SNX29: variants seen among roughly 807,000 people sequenced by gnomAD.
The protein encoded by SNX29 is sorting nexin-29.
SNX29 carries 78 observed loss-of-function variants against 102.1 expected under a neutral mutation model. The observed-to-expected ratio is 0.76, with a 90% CI of 0.64 to 0.92. The LOEUF is 0.92. Ranked by LOEUF, SNX29 falls within the 40% of genes least tolerant of loss-of-function variation. The probability of loss-of-function intolerance (pLI) is 0.00; values close to 1 mark genes in which losing one functional copy is unlikely to be tolerated. For synonymous variants in SNX29, 580 were observed against 414.5 expected (o/e 1.40, Z -4.85); for missense variants, 1,280 against 1,061.7 (o/e 1.21, Z -2.86).
At chr16:12,020,339 A>C (rs779146996) in intron 3 of SNX29, among the ~76,000 whole-genome samples, 18 of 151,930 alleles carry the variant, frequency 1.2e-4, no homozygotes, top group Non-Finnish European at 7.4e-5. Flanking sequence ...TGTGCCTGTA[A>C]TCTTAACGCT....
At chr16:12,360,821 C>A (rs1430606557) in intron 16 of SNX29, among the ~76,000 whole-genome samples, 1 of 152,146 alleles carries the variant, frequency 6.6e-6, no homozygotes, top group Non-Finnish European at 1.5e-5. Flanking sequence ...ATACTAAGAA[C>A]CCTTTCAGGG....
intron 20 of SNX29, chr16:12,561,183 C>G (rs979056163): frequency 8.7e-6 from 2 of 230,412 alleles, no homozygotes; most frequent in Non-Finnish European, 1.7e-5. Context: ...GCCTGGCATG[C>G]TCTGATACTG....
chr16:12,280,441 AGT>A (rs1048850637), intron 15 of SNX29, among the ~76,000 whole-genome samples: 1 of 152,188 alleles, frequency 6.6e-6, no homozygotes, highest in African/African-American at 2.4e-5. Flanking sequence ...TGAGAGGGTG[AGT>A]GTGGAACCAC....
chr16:12,375,241 G>C (rs186607125), intron 16 of SNX29: 13 of 152,258 alleles, frequency 8.5e-5, no homozygotes, highest in Admixed American at 7.2e-4. Flanking sequence ...GGAATGATTT[G>C]ACATTATGCC....
chr16:12,258,549 G>C (rs2078641849), intron 14 of SNX29, among the ~76,000 whole-genome samples: 1 of 152,090 alleles, frequency 6.6e-6, no homozygotes, highest in African/African-American at 2.4e-5. Flanking sequence ...CTGCTCATTT[G>C]CTGCAAGCCA....
At chr16:12,452,708 C>A (rs1184863756) in intron 18 of SNX29, among the ~76,000 whole-genome samples, 1 of 152,010 alleles carries the variant, frequency 6.6e-6, no homozygotes, top group African/African-American at 2.4e-5. Flanking sequence ...ACTGCCAGAC[C>A]CCTCCAAATG....
chr16:12,055,593 A>G lies in SNX29; in HGVS notation c.1124+3371A>G, dbSNP rs138414302. ...TGTGGGGCTGGGAAGTCCAAAATCC[A>G]CAGGTTAGGTGTGTGGACTGGAGAC... On this transcript the variant is annotated intron_variant, in intron 8 of 20. Transcript: ENST00000566228. Among the ~76,000 whole-genome samples the G allele has an allele frequency of 6.0e-3, 908 of 152,242 alleles. 7 individuals are homozygous for G. The highest frequency in any genetic ancestry group is 0.021 in the African/African-American group (859 of 41,548).
intron 1 of SNX29, among the ~76,000 whole-genome samples, chr16:11,987,705 C>T (rs769748611): frequency 1.2e-4 from 18 of 152,098 alleles, no homozygotes; most frequent in Non-Finnish European, 1.8e-4. Context: ...CTGACTCTTA[C>T]TCTTAATTCC....
intron 18 of SNX29, among the ~76,000 whole-genome samples, chr16:12,461,978 A>AAAAAATAT (rs1555544501): frequency 2.2e-4 from 6 of 27,350 alleles, no homozygotes; most frequent in African/African-American, 6.9e-4. Context: ...AAAAAAAAAA[A>AAAAAATAT]ATATATATAT....
intron 19 of SNX29, 85 bp from the exon 20 acceptor site, chr16:12,524,617 T>A: frequency 6.7e-7 from 1 of 1,489,516 alleles, no homozygotes; most frequent in Non-Finnish European, 9.0e-7. Context: ...TGGATGGCGC[T>A]GATGGGTGAT....
At chr16:12,231,653 C>G (rs1171510623) in intron 14 of SNX29, among the ~76,000 whole-genome samples, 1 of 152,166 alleles carries the variant, frequency 6.6e-6, no homozygotes, top group Non-Finnish European at 1.5e-5. Context: ...AGGATGTGGT[C>G]TCATAGGCAG....
intron 14 of SNX29, among the ~76,000 whole-genome samples, chr16:12,211,423 T>C (rs1190484005): frequency 6.6e-6 from 1 of 152,184 alleles, no homozygotes; most frequent in Non-Finnish European, 1.5e-5. Flanking sequence ...CTGCAGCTTT[T>C]TTCCTTCTAA....
chr16:12,046,560 C>G, intron 6 of SNX29, 106 bp downstream of exon 6: 5 of 1,017,392 alleles, frequency 4.9e-6, no homozygotes, highest in Non-Finnish European at 4.6e-6. Context: ...TTCTGTCCCT[C>G]AACAACTCAA....
At chr16:12,013,657 A>G (rs1217107487) in intron 3 of SNX29, among the ~76,000 whole-genome samples, 1 of 149,640 alleles carries the variant, frequency 6.7e-6, no homozygotes, top group African/African-American at 2.5e-5. Flanking sequence ...TTATGTATTT[A>G]ATTTTGTGAT....
At chr16:12,259,319 C>G (rs549194972) in intron 14 of SNX29, among the ~76,000 whole-genome samples, 29 of 152,272 alleles carry the variant, frequency 1.9e-4, no homozygotes, top group African/African-American at 4.6e-4. Context: ...CCTGGCTGCT[C>G]GTTCTACCCC....
At chr16:12,545,734 C>G (rs1359558905) in intron 20 of SNX29, 2 of 152,212 alleles carry the variant, frequency 1.3e-5, no homozygotes, top group Admixed American at 1.3e-4. Context: ...CACCATGAAG[C>G]CTTCAGATTT....
chr16:12,254,572 C>T (rs556278524), intron 14 of SNX29, among the ~76,000 whole-genome samples: 1 of 151,744 alleles, frequency 6.6e-6, no homozygotes, highest in Non-Finnish European at 1.5e-5. Flanking sequence ...ACCCGGGAGG[C>T]AGAGGTTGCA....
At chr16:12,566,357 C>G (rs1241568622) in intron 20 of SNX29, among the ~76,000 whole-genome samples, 1 of 152,170 alleles carries the variant, frequency 6.6e-6, no homozygotes, top group Non-Finnish European at 1.5e-5. Flanking sequence ...CGACTGCTAC[C>G]TCTCCTCTCC....
chr16:12,499,480 C>G (rs1191596969), intron 19 of SNX29, among the ~76,000 whole-genome samples: 1 of 152,198 alleles, frequency 6.6e-6, no homozygotes, highest in Non-Finnish European at 1.5e-5. Flanking sequence ...CTCCCTTAGT[C>G]TGTGCTTAGG....
Sources: allele counts gnomAD v4.1 joint callset (sites outside exome capture counted in the v4.1 genomes callset), GRCh38; gene constraint gnomAD v4.1.1; transcripts MANE v1.5; gene names NCBI Gene and HGNC (gene_info 2026-07-23, HGNC 2026-07-21).